SEMA4D: variants seen among roughly 807,000 people sequenced by gnomAD.
SEMA4D encodes semaphorin-4D.
Under a neutral mutation model 74.8 loss-of-function variants are expected in SEMA4D, and 22 were observed. The ratio of observed to expected loss-of-function variants is 0.29; its 90% CI spans 0.21 to 0.42. The LOEUF is 0.42. Among genes scored for constraint, SEMA4D ranks in the 10% least tolerant of loss-of-function variants. The probability of loss-of-function intolerance (pLI) is 1.00; values close to 1 mark genes in which losing one functional copy is unlikely to be tolerated. For missense variants in SEMA4D, 937 were observed against 1,118.4 expected (o/e 0.84, Z 2.31); for synonymous variants, 445 against 463.7 (o/e 0.96, Z 0.52).
chr9:89,369,741 A>C (rs1434460509), intron 16 of SEMA4D, among the ~76,000 whole-genome samples: 2 of 152,268 alleles, frequency 1.3e-5, no homozygotes, highest in Non-Finnish European at 2.9e-5. Context: ...GCTCGGCTGC[A>C]TGCTAACTTT....
At chr9:89,395,989 G>C (rs1253999713) in intron 6 of SEMA4D, among the ~76,000 whole-genome samples, 1 of 152,152 alleles carries the variant, frequency 6.6e-6, no homozygotes, top group Non-Finnish European at 1.5e-5. Context: ...TATTTAAAAT[G>C]CTACTTCTCC....
In SEMA4D at chr9:89,473,691, C is replaced by T. The variant is rs141735073; in HGVS notation, c.-309-17738G>A. On this transcript the variant is annotated intron_variant, in intron 1 of 15. Transcript: ENST00000422704. ...GCCCAACATGGTGAAACCGTCTCTA[C>T]TAAAAATACAAAAATTAGCCGGGCA... Among the ~76,000 whole-genome samples, 54 of 152,056 alleles carry T rather than the reference C, an allele frequency of 3.6e-4. No individual in the cohort carries two copies. The East Asian group carries it at 9.1e-3, about 26-fold the overall frequency.
At chr9:89,474,939 GAGC>G (rs1030090171) in intron 1 of SEMA4D, among the ~76,000 whole-genome samples, 69 of 152,372 alleles carry the variant, frequency 4.5e-4, no homozygotes, top group Non-Finnish European at 8.1e-4. Flanking sequence ...GCACTTCTGA[GAGC>G]AGCAGCTCTG....
intron 1 of SEMA4D, among the ~76,000 whole-genome samples, chr9:89,458,704 T>G (rs1437159514): frequency 6.6e-6 from 1 of 151,854 alleles, no homozygotes; most frequent in Non-Finnish European, 1.5e-5. Context: ...CACATGCACA[T>G]ATATACATCC....
At chr9:89,488,352 CTTTTTTT>C (rs1158168446) in intron 1 of SEMA4D, among the ~76,000 whole-genome samples, 41 of 62,590 alleles carry the variant, frequency 6.6e-4, no homozygotes, top group Non-Finnish European at 1.1e-3. Context: ...GATCACAGAT[CTTTTTTT>C]TTTTTTTTTT....
At position 89,413,586 on chromosome 9, in the gene SEMA4D, CAT is replaced by C. The variant is rs572337717; in HGVS notation, c.-243-7889_-243-7888del. ...CACATCTGTACAGGTGTGTTGTGTA[CAT>C]GTGTATGTCTGCATGTCTGCACATG... On this transcript the variant is annotated intron_variant, in intron 2 of 15. Transcript: ENST00000422704. Among the ~76,000 whole-genome samples the C allele has an allele frequency of 1.6e-4, 24 of 152,310 alleles. No individual in the cohort carries two copies. The South Asian group carries it at 5.0e-3, about 32-fold the overall frequency.
intron 1 of SEMA4D, among the ~76,000 whole-genome samples, chr9:89,496,144 G>A (rs544907121): frequency 4.6e-5 from 7 of 152,294 alleles, no homozygotes; most frequent in East Asian, 1.9e-4. Flanking sequence ...CAACATGGTC[G>A]CTGGTCTTGC....
chr9:89,461,594 A>T (rs1196057753), intron 1 of SEMA4D, among the ~76,000 whole-genome samples: 1 of 151,974 alleles, frequency 6.6e-6, no homozygotes, highest in Non-Finnish European at 1.5e-5. Flanking sequence ...TTTCTCCTAT[A>T]CTAGGAGAGT....
chr9:89,418,408 T>C (rs1846163776), intron 2 of SEMA4D: 3 of 985,350 alleles, frequency 3.0e-6, no homozygotes, highest in Non-Finnish European at 3.6e-6. Context: ...TGTACTTTCT[T>C]GCACAATAAG....
intron 2 of SEMA4D, among the ~76,000 whole-genome samples, chr9:89,430,725 C>T (rs558618671): frequency 1.3e-3 from 194 of 152,314 alleles, no homozygotes; most frequent in African/African-American, 4.5e-3. Context: ...GCCTGTAATC[C>T]CAGCACTTTG....
intron 2 of SEMA4D, chr9:89,450,123 C>T: frequency 1.6e-6 from 2 of 1,242,080 alleles, no homozygotes; most frequent in South Asian, 1.2e-5. Flanking sequence ...GCTGTCACAC[C>T]AGCTGAAGCA....
chr9:89,400,545 C>T (rs919642952), intron 4 of SEMA4D, among the ~76,000 whole-genome samples: 12 of 152,226 alleles, frequency 7.9e-5, no homozygotes, highest in Admixed American at 2.6e-4. Context: ...TCCTGAACAG[C>T]ACCCAGGCTG....
intron 6 of SEMA4D, among the ~76,000 whole-genome samples, chr9:89,394,115 G>A (rs1007833241): frequency 2.0e-5 from 3 of 152,134 alleles, no homozygotes; most frequent in African/African-American, 4.8e-5. Context: ...TCTCTACGTC[G>A]CTCCACCCAC....
chr9:89,466,569 G>A (rs1477101468), intron 1 of SEMA4D, among the ~76,000 whole-genome samples: 8 of 152,118 alleles, frequency 5.3e-5, no homozygotes, highest in South Asian at 2.1e-4. Flanking sequence ...GTGCATCATC[G>A]AGGGAGCACA....
intron 2 of SEMA4D, among the ~76,000 whole-genome samples, chr9:89,431,851 C>T (rs978529012): frequency 6.6e-6 from 1 of 152,178 alleles, no homozygotes; most frequent in African/African-American, 2.4e-5. Context: ...GGCCCTAAAG[C>T]CCCCAGAGCA....
intron 2 of SEMA4D, chr9:89,449,833 T>C: frequency 6.6e-7 from 1 of 1,507,290 alleles, no homozygotes; most frequent in Non-Finnish European, 9.2e-7. Flanking sequence ...TTCTCCCCTT[T>C]GAAGAGAGAC....
intron 2 of SEMA4D, among the ~76,000 whole-genome samples, chr9:89,437,098 T>C (rs886493242): frequency 4.6e-5 from 7 of 152,172 alleles, no homozygotes; most frequent in Admixed American, 3.3e-4. Flanking sequence ...TGCAGCGAGA[T>C]GGCCTGCTCC....
In SEMA4D at chr9:89,385,094, C is replaced by G. The variant is rs1838138316; in HGVS notation, c.1446+1273G>C. 5 of 969,416 alleles carry G rather than the reference C, an allele frequency of 5.2e-6. No homozygotes were observed. The South Asian group carries it at 1.4e-4, about 28-fold the overall frequency. 60.1% of individuals were successfully genotyped at this position (969,416 alleles called of 1,614,324 possible). A position where few individuals can be genotyped will look rare whatever the true frequency, so the allele number is the denominator to read the frequency against. On this transcript the variant is annotated intron_variant, in intron 13 of 15. Transcript: ENST00000422704. Reference sequence around the variant, plus strand: ...GAGGCTCCCTGTGTGGCCAGCTGCCCTGGTGTGGCCATGTGACCGAGTTCT... The same window carrying G: ...GAGGCTCCCTGTGTGGCCAGCTGCCGTGGTGTGGCCATGTGACCGAGTTCT...
intron 1 of SEMA4D, among the ~76,000 whole-genome samples, chr9:89,480,106 CAG>C (rs1179716797): frequency 1.3e-5 from 2 of 152,064 alleles, no homozygotes; most frequent in East Asian, 1.9e-4. Flanking sequence ...CAGCTAGATA[CAG>C]AGTGTCGATT....
Sources: gnomAD v4.1 joint callset for allele counts (sites outside exome capture counted in the v4.1 genomes callset) on GRCh38, gnomAD v4.1.1 for gene constraint, MANE v1.5 for transcripts, NCBI Gene and HGNC (gene_info 2026-07-23, HGNC 2026-07-21) for gene names.